NOC2L: variants seen among roughly 807,000 people sequenced by gnomAD.
NOC2L encodes nucleolar complex protein 2 homolog.
Under a neutral mutation model 94.2 loss-of-function variants are expected in NOC2L, and 101 were observed. The ratio of observed to expected loss-of-function variants is 1.07; its 90% CI spans 0.91 to 1.26. NOC2L has a LOEUF of 1.26. Ranked by LOEUF, NOC2L falls within the 50% of genes most tolerant of loss-of-function variation. NOC2L has a pLI of 0.00. For missense variants in NOC2L, 1,076 were observed against 980.1 expected (o/e 1.10, Z -1.31); for synonymous variants, 531 against 413.4 (o/e 1.28, Z -3.45).
At chr1:958,720 C>G in intron 2 of NOC2L, 1 of 708,040 alleles carries the variant, frequency 1.4e-6, no homozygotes, top group East Asian at 2.7e-5. Context: ...GCACAACTCA[C>G]CAACATACGC....
At chr1:958,364 T>C in intron 2 of NOC2L, 1 of 271,806 alleles carries the variant, frequency 3.7e-6, no homozygotes, top group Non-Finnish European at 7.3e-6. Flanking sequence ...GCGATTCTCC[T>C]GCCTCAGCCT....
rs780202164 is a variant in NOC2L, at chr1:955,948, C to G, written c.673G>C (p.Gly225Arg). The G allele has an allele frequency of 5.6e-6, 9 of 1,614,002 alleles. No individual in the cohort carries two copies. Among genetic ancestry groups the G allele is most frequent in the Non-Finnish European group, 5.1e-6 (6 of 1,180,004 alleles). ...CTGCTGCTATCCTTTGCCACCTTTC[C>G]AAACAGCAGCTTCTGGAGACAGCCA... Reference protein sequence around the residue: ...LIGCLQKLLFGKVAKDSSRML... With the variant: ...LIGCLQKLLFRKVAKDSSRML... The change falls in exon 6 of 19, where the codon GGA becomes CGA. Residue 225 changes from glycine to arginine, a missense_variant. By Grantham distance (125) the Gly-to-Arg change is moderately radical (BLOSUM62 -2). Coordinates refer to ENST00000327044, the MANE Select transcript of NOC2L (RefSeq NM_015658.4).
intron 12 of NOC2L, 83 bp downstream of exon 12, chr1:951,044 A>G (rs1285483754): frequency 1.8e-6 from 2 of 1,092,298 alleles, no homozygotes; most frequent in Non-Finnish European, 2.7e-6. Flanking sequence ...GTCGCCGGAC[A>G]ACTCAGCACA....
Position 944,505 on chromosome 1 carries a change from C to T in NOC2L, c.*189G>A, listed in dbSNP as rs536992898. The T allele has an allele frequency of 2.7e-5, 17 of 639,486 alleles. No individual in the cohort carries two copies. The highest frequency in any genetic ancestry group is 2.1e-4 in the East Asian group (7 of 33,152). The allele number at this position is 639,486 out of a possible 1,614,324, so 39.6% of individuals were successfully genotyped here. A position where few individuals can be genotyped will look rare whatever the true frequency, so the allele number is the denominator to read the frequency against. On this transcript the variant is annotated 3_prime_UTR_variant, in exon 19 of 19. Transcript: ENST00000327044. Reference sequence around the variant, plus strand: ...CACAGCTGTGGGGCTTCAGCAGCCACACCAGCCCAGCCCAGCCCAGCTCTC... The same window carrying T: ...CACAGCTGTGGGGCTTCAGCAGCCATACCAGCCCAGCCCAGCCCAGCTCTC...
chr1:946,149 C>T, intron 16 of NOC2L, 24 bp downstream of exon 16: 2 of 1,537,948 alleles, frequency 1.3e-6, no homozygotes, highest in East Asian at 4.5e-5. Flanking sequence ...CAACACACCC[C>T]CAGGTCCCCT....
chr1:952,621 G>A, intron 9 of NOC2L, 21 bp from the exon 10 acceptor site: 1 of 1,612,896 alleles, frequency 6.2e-7, no homozygotes, highest in Non-Finnish European at 8.5e-7. Flanking sequence ...ACCCGGGTCA[G>A]AGCCACCTGG....
chr1:956,469 C>G (rs1461737718), intron 4 of NOC2L, among the ~76,000 whole-genome samples: 1 of 152,128 alleles, frequency 6.6e-6, no homozygotes, highest in Non-Finnish European at 1.5e-5. Context: ...ATGGCCACCT[C>G]CAGGTGGTAT....
At chr1:950,676 T>A (rs1014273372) in intron 12 of NOC2L, among the ~76,000 whole-genome samples, 1 of 150,610 alleles carries the variant, frequency 6.6e-6, no homozygotes, top group Admixed American at 6.6e-5. Context: ...CACACAGATT[T>A]ACAGACCCAT....
At chr1:953,123 C>T (rs371196636) in intron 9 of NOC2L, 52 bp downstream of exon 9, 65 of 1,385,858 alleles carry the variant, frequency 4.7e-5, no homozygotes, top group African/African-American at 2.3e-4. Flanking sequence ...GCCCTTAGGC[C>T]GAGATTTCCA....
intron 6 of NOC2L, among the ~76,000 whole-genome samples, chr1:954,770 T>C (rs533333641): frequency 6.6e-6 from 1 of 151,384 alleles, no homozygotes; most frequent in Admixed American, 6.6e-5. Flanking sequence ...CGTGTCGCAG[T>C]GAGCTATGAT....
intron 11 of NOC2L, among the ~76,000 whole-genome samples, chr1:951,528 C>A (rs372935906): frequency 2.0e-5 from 3 of 152,334 alleles, no homozygotes; most frequent in East Asian, 3.9e-4. Context: ...ACCTCCCTTC[C>A]CAGCCTTGAG....
intron 14 of NOC2L, 82 bp from the exon 15 acceptor site, chr1:946,627 G>A (rs1252145771): frequency 4.6e-6 from 7 of 1,525,614 alleles, no homozygotes; most frequent in East Asian, 4.5e-5. Flanking sequence ...AAAACCACGC[G>A]TGGTGGCCAC....
chr1:948,122 GAC>G lies in NOC2L; in HGVS notation c.1659+7_1659+8del. ...GTCGGCCACGAGCCGGTGTGGGCAG[GAC>G]ACACACCTGCAGGACCACAGGCAGC... On this transcript the variant is annotated splice_region_variant and intron_variant, in intron 14 of 18. Transcript: ENST00000327044. 1 of 1,573,302 alleles carries G rather than the reference GAC, an allele frequency of 6.4e-7. No individual in the cohort carries two copies.
chr1:947,455 C>T (rs1642144502), intron 14 of NOC2L, among the ~76,000 whole-genome samples: 1 of 152,252 alleles, frequency 6.6e-6, no homozygotes, highest in African/African-American at 2.4e-5. Context: ...CCCTCCTCCC[C>T]ACACTGCACA....
At chr1:949,943 TTAGA>T (rs1642207408) in intron 12 of NOC2L, among the ~76,000 whole-genome samples, 1 of 152,192 alleles carries the variant, frequency 6.6e-6, no homozygotes, top group Non-Finnish European at 1.5e-5. Flanking sequence ...TGAGAACTCA[TTAGA>T]TAAACAGGGT....
intron 8 of NOC2L, 145 bp downstream of exon 8, chr1:953,637 A>G (rs1569948798): frequency 1.5e-6 from 1 of 655,570 alleles, no homozygotes; most frequent in Non-Finnish European, 2.6e-6. Context: ...GGTGGGGGCC[A>G]GGTGCTTCTG....
rs1319029019 is a variant in NOC2L at position 957,216 on chromosome 1, T to A, written c.237A>T (p.Arg79Ser). Residue 79 changes from arginine to serine, a missense_variant, in exon 3 of 19, where the codon AGA becomes AGT. By Grantham distance (110) the Arg-to-Ser change is moderately radical. Around this residue, in one of 3 missense-constraint regions of NOC2L, gnomAD observed 457 missense variants for 386.0 expected, o/e 1.18. Coordinates refer to ENST00000327044, the MANE Select transcript of NOC2L (RefSeq NM_015658.4). ...HKDQLSRLKD[R>S]DPEFYKFLQE... ...GCAGGAACTTGTAGAACTCGGGGTC[T>A]CTGTCCTTCAGCCGAGAGAGCTGGT... 14 of 1,613,504 alleles carry A rather than the reference T, an allele frequency of 8.7e-6. No homozygotes were observed. In the East Asian group the frequency reaches 2.9e-4, roughly 33 times the overall value.
chr1:955,614 G>A (rs551271239), intron 6 of NOC2L, among the ~76,000 whole-genome samples: 2 of 152,316 alleles, frequency 1.3e-5, no homozygotes, highest in African/African-American at 4.8e-5. Flanking sequence ...TTCTTACAAA[G>A]GGAAATAGAG....
At position 954,030 on chromosome 1, in the gene NOC2L, T is replaced by C; in HGVS notation, c.751A>G (p.Lys251Glu). The C allele has an allele frequency of 6.2e-7, 1 of 1,607,938 alleles. No homozygotes were observed. Among genetic ancestry groups the C allele is most frequent in the South Asian group, 1.1e-5 (1 of 90,648 alleles). The change falls in exon 7 of 19, where the codon AAG (lysine) becomes GAG (glutamate). Residue 251 changes from lysine to glutamate, a missense_variant. Physicochemically the swap from Lys to Glu is moderately conservative, Grantham distance 56. Around this residue, in one of 3 missense-constraint regions of NOC2L, gnomAD observed 457 missense variants for 386.0 expected, o/e 1.18. Coordinates refer to ENST00000327044, the MANE Select transcript of NOC2L (RefSeq NM_015658.4). The part of the protein sequence containing the change: ...PLWGKLRVDI[K>E]AYLGSAIQLV... ...TGTATGGCCGAGCCCAGGTAAGCCTTGATGTCCACACGAAGCTTCCCCCAG... is the reference window on the plus strand; with the variant it reads ...TGTATGGCCGAGCCCAGGTAAGCCTCGATGTCCACACGAAGCTTCCCCCAG...
Sources: gnomAD v4.1 joint callset for allele counts (sites outside exome capture counted in the v4.1 genomes callset) on GRCh38, gnomAD v4.1.1 for gene constraint, gnomAD v4.1.1 regional missense constraint, MANE v1.5 for transcripts, NCBI Gene and HGNC (gene_info 2026-07-23, HGNC 2026-07-21) for gene names.